Variants in SRP19 observed in about 807,000 individuals in gnomAD.
The protein encoded by SRP19 is signal recognition particle 19 kDa protein.
A neutral mutation model predicts 22.4 loss-of-function variants in SRP19; 11 were observed. That is an observed-to-expected ratio of 0.49 (90% CI 0.31 to 0.81). The LOEUF (loss-of-function observed/expected upper bound fraction) is 0.81, where lower values mean the gene tolerates loss of function less well. Among genes scored for constraint, SRP19 ranks in the 40% least tolerant of loss-of-function variants. The probability of loss-of-function intolerance (pLI) is 0.05; values close to 1 mark genes in which losing one functional copy is unlikely to be tolerated. For missense variants in SRP19, 168 were observed against 175.9 expected (o/e 0.96, Z 0.25); for synonymous variants, 61 against 57.6 (o/e 1.06, Z -0.27).
At chr5:112,895,329 G>A (rs1191434688), downstream of SRP19, 1 of 151,420 alleles carries the variant, frequency 6.6e-6, no homozygotes, top group Non-Finnish European at 1.5e-5. Context: ...CTTCTGCAGA[G>A]TTTTAGGAAA....
chr5:112,891,517 AAAC>A, intron 4 of SRP19: 2 of 1,397,972 alleles, frequency 1.4e-6, no homozygotes, highest in Non-Finnish European at 2.0e-6. Context: ...TATGCAAACA[AAAC>A]AATACTAGAA....
chr5:112,876,425 A>G (rs1182111679), intron 4 of SRP19: 1 of 152,234 alleles, frequency 6.6e-6, no homozygotes, highest in African/African-American at 2.4e-5. Flanking sequence ...ATTTATTTCC[A>G]TTCAGTGTAT....
At chr5:112,892,508 C>T in exon 5 of SRP19, 1 of 1,614,158 alleles carries the variant, frequency 6.2e-7, no homozygotes, top group Non-Finnish European at 8.5e-7. Context: ...GCAGCCCTTT[C>T]TCTGTTTAAC....
In SRP19 at chr5:112,869,381, A is replaced by G. The variant is rs1452200429; in HGVS notation, c.*1844A>G. On this transcript the variant is annotated 3_prime_UTR_variant, in exon 5 of 5. Transcript: ENST00000505459. ...GAGACCATAGGCATGAGATTTCTCA[A>G]AATTCCTCCCAGCAGGCTTTCACTT... The G allele has an allele frequency of 1.3e-5, 2 of 152,172 alleles. No individual in the cohort carries two copies. The highest frequency in any genetic ancestry group is 4.8e-5 in the African/African-American group (2 of 41,430). 9.4% of individuals were successfully genotyped at this position (152,172 alleles called of 1,614,324 possible).
At chr5:112,879,621 T>C (rs896949725) in intron 4 of SRP19, among the ~76,000 whole-genome samples, 7 of 152,024 alleles carry the variant, frequency 4.6e-5, no homozygotes, top group East Asian at 3.9e-4. Flanking sequence ...CTACATGCAC[T>C]CACCACCACG....
At chr5:112,878,921 T>C in intron 4 of SRP19, 1 of 1,600,680 alleles carries the variant, frequency 6.2e-7, no homozygotes, top group Non-Finnish European at 8.5e-7. Flanking sequence ...CTAATGTAGC[T>C]ACTAGATAAC....
At chr5:112,865,549 G>A (rs1561639042) in intron 4 of SRP19, among the ~76,000 whole-genome samples, 1 of 150,962 alleles carries the variant, frequency 6.6e-6, no homozygotes, top group Non-Finnish European at 1.5e-5. Flanking sequence ...TAATTAAACT[G>A]TCATTAAATT....
At chr5:112,862,300 C>T in intron 1 of SRP19, 1 of 604,400 alleles carries the variant, frequency 1.7e-6, no homozygotes, top group Non-Finnish European at 2.9e-6. Flanking sequence ...GAGGAGTAGG[C>T]CCGCGGCCAG....
chr5:112,892,839 C>A (rs751324905), exon 5 of SRP19: 5 of 1,613,050 alleles, frequency 3.1e-6, no homozygotes, highest in Non-Finnish European at 3.4e-6. Context: ...ATGGGGAATC[C>A]GAGAGAAAAA....
exon 5 of SRP19, chr5:112,892,548 A>G (rs1322564526): frequency 6.2e-7 from 1 of 1,614,228 alleles, no homozygotes; most frequent in South Asian, 1.1e-5. Flanking sequence ...GACAGCTGCA[A>G]TGTGAATTCT....
At chr5:112,878,687 A>G in intron 4 of SRP19, 1 of 1,507,528 alleles carries the variant, frequency 6.6e-7, no homozygotes, top group South Asian at 1.2e-5. Context: ...AATGTTTCCA[A>G]GGCAACATTA....
chr5:112,870,470 T>A (rs1188071927), downstream of SRP19, among the ~76,000 whole-genome samples: 1 of 150,348 alleles, frequency 6.7e-6, no homozygotes, highest in Non-Finnish European at 1.5e-5. Context: ...AGCTGGACCC[T>A]GTCTCAAAAA....
chr5:112,894,737 ATACT>A (rs1768626168), downstream of SRP19: 1 of 152,232 alleles, frequency 6.6e-6, no homozygotes, highest in African/African-American at 2.4e-5. Context: ...TATTTTATTA[ATACT>A]TAGTGAATTC....
intron 4 of SRP19, chr5:112,877,806 C>CTGGT (rs895628310): frequency 6.6e-6 from 1 of 152,138 alleles, no homozygotes; most frequent in African/African-American, 2.4e-5. Context: ...GTTCCTTAAA[C>CTGGT]TGGTTTAAAA....
chr5:112,877,981 C>CTGTGTGTGTGTGTGTGTG (rs60109818), intron 4 of SRP19: 1 of 147,530 alleles, frequency 6.8e-6, no homozygotes, highest in Admixed American at 6.8e-5. Flanking sequence ...ACAGGTTACT[C>CTGTGTGTGTGTGTGTGTG]TGTGTGTGTG....
chr5:112,869,395 A>T lies in SRP19; in HGVS notation c.*1858A>T, dbSNP rs1399146309. On this transcript the variant is annotated 3_prime_UTR_variant, in exon 5 of 5. Coordinates refer to ENST00000505459, the MANE Select transcript of SRP19 (RefSeq NM_003135.3). ...GAGATTTCTCAAAATTCCTCCCAGC[A>T]GGCTTTCACTTAGTTTCATTGTTGA... 1 of 152,210 alleles carries T rather than the reference A, an allele frequency of 6.6e-6. No homozygotes were observed. Among genetic ancestry groups the T allele is most frequent in the Non-Finnish European group, 1.5e-5 (1 of 68,056 alleles). 9.4% of individuals were successfully genotyped at this position (152,210 alleles called of 1,614,324 possible).
intron 2 of SRP19, among the ~76,000 whole-genome samples, chr5:112,863,210 C>T (rs1767472584): frequency 6.6e-6 from 1 of 152,194 alleles, no homozygotes; most frequent in Admixed American, 6.5e-5. Context: ...GTTATGACTT[C>T]AACACCATAG....
At chr5:112,883,894 C>T (rs990151991) in intron 4 of SRP19, among the ~76,000 whole-genome samples, 8 of 152,124 alleles carry the variant, frequency 5.3e-5, no homozygotes, top group African/African-American at 1.9e-4. Flanking sequence ...TGTCCTTAAC[C>T]CCTCTGACCC....
Position 112,867,608 on chromosome 5 carries a change from G to A in SRP19, c.*71G>A, listed in dbSNP as rs1360727487. 7 of 1,436,420 alleles carry A rather than the reference G, an allele frequency of 4.9e-6. No homozygotes were observed. Among genetic ancestry groups the A allele is most frequent in the Non-Finnish European group, 6.4e-6 (7 of 1,090,118 alleles). The allele number at this position is 1,436,420 out of a possible 1,614,324, so 89.0% of individuals were successfully genotyped here. On this transcript the variant is annotated 3_prime_UTR_variant, in exon 5 of 5. Coordinates refer to ENST00000505459, the MANE Select transcript of SRP19 (RefSeq NM_003135.3). ...ATGGAGACTTCTAATTTGTATCGGA[G>A]GGAAACAGAAGCTTTTTGTTTGCAT... is the stretch of plus-strand genomic sequence containing the variant.
Sources: allele counts gnomAD v4.1 joint callset (sites outside exome capture counted in the v4.1 genomes callset), GRCh38; gene constraint gnomAD v4.1.1; transcripts MANE v1.5; gene names NCBI Gene and HGNC (gene_info 2026-07-23, HGNC 2026-07-21).